The following WDR27 variants were observed in gnomAD, a reference collection of about 807,000 sequenced individuals.
WDR27 encodes WD repeat domain 27, also known as WD repeat-containing protein 27.
A neutral mutation model predicts 114.4 loss-of-function variants in WDR27; 100 were observed. That is an observed-to-expected ratio of 0.87 (90% CI 0.74 to 1.03). The LOEUF (loss-of-function observed/expected upper bound fraction) is 1.03. Ranked by LOEUF, WDR27 falls within the 50% of genes least tolerant of loss-of-function variation. WDR27 has a pLI of 0.00. For synonymous variants in WDR27, 449 were observed against 423.1 expected (o/e 1.06, Z -0.75); for missense variants, 1,129 against 1,092.9 (o/e 1.03, Z -0.47).
intron 25 of WDR27, among the ~76,000 whole-genome samples, chr6:169,459,436 A>C (rs57509470): frequency 0.031 from 4,647 of 152,162 alleles, 217 homozygotes; most frequent in African/African-American, 0.1. Flanking sequence ...GCCTAAAGGG[A>C]ATGTGGGACA....
chr6:169,516,053 C>T (rs1989643), intron 25 of WDR27, among the ~76,000 whole-genome samples: 136,043 of 152,084 alleles, frequency 0.89, 61,871 homozygotes, highest in African/African-American at 0.94. Context: ...AAGAGGAGAA[C>T]GGTAGAAAAA....
chr6:169,678,520 T>A (rs1322946766), intron 2 of WDR27, among the ~76,000 whole-genome samples: 1 of 152,232 alleles, frequency 6.6e-6, no homozygotes, highest in Admixed American at 6.5e-5. Context: ...GGAACTTGCC[T>A]TGTCTCAGAT....
intron 25 of WDR27, among the ~76,000 whole-genome samples, chr6:169,535,714 C>T (rs1796125308): frequency 6.6e-6 from 1 of 152,166 alleles, no homozygotes; most frequent in Non-Finnish European, 1.5e-5. Flanking sequence ...GAAAGCTCCA[C>T]TTTCATAAAG....
At chr6:169,444,657 G>A in the WDR27 span, among the ~76,000 whole-genome samples, 1 of 150,708 alleles carries the variant, frequency 6.6e-6, no homozygotes, top group Non-Finnish European at 1.5e-5. Flanking sequence ...AGAGATGGTG[G>A]ACTGTTTTTT....
intron 3 of WDR27, 105 bp downstream of exon 3, chr6:169,672,150 C>T: frequency 8.4e-7 from 1 of 1,186,930 alleles, no homozygotes; most frequent in South Asian, 1.6e-5. Flanking sequence ...CCCCGAGGGA[C>T]TGCTGTTACC....
At chr6:169,460,807 C>T (rs758784858) in intron 25 of WDR27, among the ~76,000 whole-genome samples, 10 of 152,140 alleles carry the variant, frequency 6.6e-5, no homozygotes, top group Non-Finnish European at 1.0e-4. Flanking sequence ...TCCATATATG[C>T]GAGTTTTACA....
In WDR27 at chr6:169,457,539, A is replaced by G; in HGVS notation, c.*53T>C. Reference sequence around the variant, plus strand: ...GATGAACCACTACTTCTTACTTTTAAGTTGTTCCTCACAGCATTCCTGGAC... The same window carrying G: ...GATGAACCACTACTTCTTACTTTTAGGTTGTTCCTCACAGCATTCCTGGAC... On this transcript the variant is annotated 3_prime_UTR_variant, in exon 26 of 26. Coordinates refer to ENST00000448612, the MANE Select transcript of WDR27 (RefSeq NM_182552.5). The G allele has an allele frequency of 6.7e-7, 1 of 1,484,376 alleles. No homozygotes were observed. The highest frequency in any genetic ancestry group is 9.1e-7 in the Non-Finnish European group (1 of 1,103,806). The allele number at this position is 1,484,376 out of a possible 1,614,324, so 92.0% of individuals were successfully genotyped here. A position where few individuals can be genotyped will look rare whatever the true frequency, so the allele number is the denominator to read the frequency against.
At chr6:169,526,984 A>T (rs1795036878) in intron 25 of WDR27, among the ~76,000 whole-genome samples, 2 of 152,342 alleles carry the variant, frequency 1.3e-5, no homozygotes, top group African/African-American at 2.4e-5. Flanking sequence ...ATACTTTTTT[A>T]AAATGGAAAA....
chr6:169,514,765 T>TAA lies in WDR27; in HGVS notation c.2646-57132_2646-57131insTT, dbSNP rs1298260827. The stretch of plus-strand genomic sequence containing the variant: ...ATAACAGAAAAAAAGAGAATATATA[T>TAA]ATATATATATATGATCATTTCAATA... On this transcript the variant is annotated intron_variant, in intron 25 of 25. Coordinates refer to ENST00000448612, the MANE Select transcript of WDR27 (RefSeq NM_182552.5). Among the ~76,000 whole-genome samples the TAA allele has an allele frequency of 5.5e-3, 822 of 148,556 alleles. 16 individuals are homozygous for TAA. The highest frequency in any genetic ancestry group is 0.02 in the African/African-American group (798 of 40,784).
At position 169,670,761 on chromosome 6, in the gene WDR27, G is replaced by T. The variant is rs1295558132; in HGVS notation, c.332-68C>A. On this transcript the variant is annotated intron_variant, in intron 3 of 25. Coordinates refer to ENST00000448612, the MANE Select transcript of WDR27 (RefSeq NM_182552.5). ...TCAGCATTACATTAATCTGAGAAAA[G>T]TACTGAGAATGTAACCCTCTATTCT... 5 of 1,576,124 alleles carry T rather than the reference G, an allele frequency of 3.2e-6. No individual in the cohort carries two copies. In the East Asian group the frequency reaches 6.8e-5, roughly 21 times the overall value.
rs576374985 is a variant in WDR27 at position 169,697,455 on chromosome 6, AGAG to A, written c.-8+4093_-8+4095del. Among the ~76,000 whole-genome samples the A allele has an allele frequency of 4.6e-4, 70 of 152,284 alleles. 1 individual carries two copies. Among genetic ancestry groups the A allele is most frequent in the Middle Eastern group, 6.8e-3 (2 of 294 alleles). ...AATCTCCCTTTCTCCCGGAGAGTTT[AGAG>A]AAGACTCTACTCCTCTACCTCTTGT... On this transcript the variant is annotated intron_variant, in intron 1 of 25. Coordinates refer to ENST00000448612, the MANE Select transcript of WDR27 (RefSeq NM_182552.5).
chr6:169,670,276 T>A (rs1450113788), intron 4 of WDR27: 1 of 239,404 alleles, frequency 4.2e-6, no homozygotes, highest in Non-Finnish European at 7.9e-6. Flanking sequence ...ATGCCTACAA[T>A]CAGGGAATAT....
intron 2 of WDR27, among the ~76,000 whole-genome samples, chr6:169,675,181 G>C (rs1454727236): frequency 6.6e-6 from 1 of 152,160 alleles, no homozygotes; most frequent in African/African-American, 2.4e-5. Flanking sequence ...GTTGGCGGTA[G>C]GGCCTGCTGG....
chr6:169,481,505 C>T (rs1234847590), intron 25 of WDR27, among the ~76,000 whole-genome samples: 4 of 152,200 alleles, frequency 2.6e-5, no homozygotes, highest in Admixed American at 6.5e-5. Context: ...ATAAATCTTG[C>T]TGCTGCTCAC....
chr6:169,428,933 C>T, the WDR27 span, among the ~76,000 whole-genome samples: 2 of 152,248 alleles, frequency 1.3e-5, no homozygotes, highest in East Asian at 3.9e-4. Context: ...TCGGCAGCCA[C>T]GGTTGTCCTC....
intron 4 of WDR27, chr6:169,668,483 A>AG: frequency 3.0e-6 from 1 of 335,404 alleles, no homozygotes; most frequent in South Asian, 3.1e-5. Context: ...TTCTCCACCT[A>AG]GGGCTTCCTA....
At chr6:169,524,987 G>C (rs1794786160) in intron 25 of WDR27, among the ~76,000 whole-genome samples, 1 of 152,106 alleles carries the variant, frequency 6.6e-6, no homozygotes, top group Non-Finnish European at 1.5e-5. Context: ...TAAGTGAAGA[G>C]ACAACCCAGA....
chr6:169,665,454 G>T (rs1410435490), intron 7 of WDR27, 32 bp downstream of exon 7: 1 of 1,600,816 alleles, frequency 6.2e-7, no homozygotes, highest in Non-Finnish European at 8.5e-7. Context: ...GGCATGTCTG[G>T]GAACTGGAAC....
At chr6:169,629,648 C>T (rs2473449) in intron 21 of WDR27, among the ~76,000 whole-genome samples, 130,775 of 152,148 alleles carry the variant, frequency 0.86, 56,986 homozygotes, top group Admixed American at 0.93. Context: ...TAAAATTGGC[C>T]GGGCGCGGTG....
Sources: gnomAD v4.1 joint callset for allele counts (sites outside exome capture counted in the v4.1 genomes callset) on GRCh38, gnomAD v4.1.1 for gene constraint, MANE v1.5 for transcripts, NCBI Gene and HGNC (gene_info 2026-07-23, HGNC 2026-07-21) for gene names.